LRBA: variants seen among roughly 807,000 people sequenced by gnomAD.
The protein encoded by LRBA is LPS responsive beige-like anchor protein.
Under a neutral mutation model 330.0 loss-of-function variants are expected in LRBA, and 176 were observed. That is an observed-to-expected ratio of 0.53 (90% CI 0.47 to 0.60). The LOEUF (loss-of-function observed/expected upper bound fraction) is 0.60. LRBA is among the 20% of genes least tolerant of loss of function. LRBA has a pLI of 0.00. For missense variants in LRBA, 3,259 were observed against 3,444.8 expected (o/e 0.95, Z 1.35); for synonymous variants, 1,230 against 1,193.0 (o/e 1.03, Z -0.64).
rs1488067407 is a variant in LRBA at position 150,265,800 on chromosome 4, A to G, written c.8481T>C (p.Ser2827=). 4.3e-6 allele frequency: 7 copies of G among 1,610,052 alleles called. No individual in the cohort carries two copies. In the Admixed American group the frequency reaches 8.3e-5, roughly 19 times the overall value. The part of the protein sequence containing the change: ...ALSYDQRCII[S]GMASGSIVLF... ...GCACAATGCTTCCTGAAGCCATGCC[A>G]GAAATGATGCACCTAGGAGAAGCAC... Residue 2827 remains serine, a synonymous_variant, in exon 57 of 57, where the codon TCT becomes TCC. Transcript: ENST00000651943.
chr4:150,437,053 A>G (rs961184450), intron 44 of LRBA, among the ~76,000 whole-genome samples, 189 bp from the exon 45 acceptor site: 1 of 152,172 alleles, frequency 6.6e-6, no homozygotes, highest in Non-Finnish European at 1.5e-5. Context: ...AACACAACAT[A>G]TAAGTAAGTG....
chr4:150,692,843 G>C (rs1243866935), intron 36 of LRBA, among the ~76,000 whole-genome samples: 2 of 152,164 alleles, frequency 1.3e-5, no homozygotes, highest in East Asian at 3.9e-4. Context: ...CACTGAGGCT[G>C]GGAGTGGTAT....
At chr4:150,642,822 T>C (rs982230031) in intron 37 of LRBA, among the ~76,000 whole-genome samples, 2 of 151,896 alleles carry the variant, frequency 1.3e-5, no homozygotes, top group Non-Finnish European at 3.0e-5. Flanking sequence ...GCAAATGTTG[T>C]TTATTATGGT....
chr4:150,528,449 C>T (rs1257620689), intron 40 of LRBA, among the ~76,000 whole-genome samples: 1 of 150,394 alleles, frequency 6.6e-6, no homozygotes, highest in East Asian at 2.0e-4. Context: ...TGCAGTGAGC[C>T]GAGATCACGC....
At chr4:150,343,159 G>A (rs1735817490) in intron 48 of LRBA, among the ~76,000 whole-genome samples, 1 of 152,148 alleles carries the variant, frequency 6.6e-6, no homozygotes, top group Non-Finnish European at 1.5e-5. Context: ...GGGCACTGCA[G>A]GGACATGCTT....
At chr4:150,954,212 C>A (rs2149551137) in intron 2 of LRBA, among the ~76,000 whole-genome samples, 1 of 151,004 alleles carries the variant, frequency 6.6e-6, no homozygotes, top group East Asian at 2.0e-4. Context: ...GCCCGGCCAC[C>A]CCGTCTGGGA....
At chr4:150,759,064 C>T (rs1214213184) in intron 35 of LRBA, among the ~76,000 whole-genome samples, 2 of 151,820 alleles carry the variant, frequency 1.3e-5, no homozygotes, top group East Asian at 3.9e-4. Context: ...CTATAGGCAC[C>T]TGCCACTATA....
chr4:150,732,532 T>C (rs1181424598), intron 36 of LRBA, among the ~76,000 whole-genome samples: 1 of 152,088 alleles, frequency 6.6e-6, no homozygotes, highest in Non-Finnish European at 1.5e-5. Context: ...TTTATCTAAT[T>C]TACATAGGAA....
intron 38 of LRBA, chr4:150,597,124 T>C (rs1773583981): frequency 2.9e-6 from 4 of 1,369,444 alleles, no homozygotes; most frequent in African/African-American, 1.5e-5. Flanking sequence ...CACTAAAACA[T>C]AGATAATTAA....
At chr4:150,604,016 A>G (rs1774376231) in intron 37 of LRBA, among the ~76,000 whole-genome samples, 1 of 152,184 alleles carries the variant, frequency 6.6e-6, no homozygotes, top group Non-Finnish European at 1.5e-5. Context: ...CAGAAGTATT[A>G]AAACAAAATC....
intron 2 of LRBA, among the ~76,000 whole-genome samples, chr4:150,967,127 T>C (rs555122726): frequency 8.5e-5 from 13 of 152,220 alleles, no homozygotes; most frequent in Admixed American, 5.2e-4. Context: ...ATTAAGGACA[T>C]AAAAAAAATT....
At chr4:150,488,545 C>T (rs1758168476) in intron 41 of LRBA, among the ~76,000 whole-genome samples, 1 of 151,360 alleles carries the variant, frequency 6.6e-6, no homozygotes, top group South Asian at 2.1e-4. Context: ...ACATATTTAG[C>T]AATAAATGTT....
chr4:150,582,642 AG>A (rs1325498823), intron 40 of LRBA: 1 of 181,758 alleles, frequency 5.5e-6, no homozygotes, highest in Admixed American at 5.5e-5. Context: ...TCTCGGCTGC[AG>A]ACATCTAAGC....
intron 40 of LRBA, among the ~76,000 whole-genome samples, chr4:150,548,218 A>G (rs1367010487): frequency 6.6e-6 from 1 of 152,082 alleles, no homozygotes; most frequent in South Asian, 2.1e-4. Flanking sequence ...TCTTCCCTCA[A>G]TCAGTTATCC....
At chr4:150,422,550 C>G (rs951270327) in intron 46 of LRBA, 1 of 490,314 alleles carries the variant, frequency 2.0e-6, no homozygotes, top group Non-Finnish European at 3.7e-6. Context: ...CCACACTATC[C>G]TCTGCACCCC....
At chr4:150,422,881 G>C (rs1325490744) in intron 46 of LRBA, 1 of 989,244 alleles carries the variant, frequency 1.0e-6, no homozygotes, top group East Asian at 2.4e-5. Flanking sequence ...TCCTAACATG[G>C]AGGCACTCAG....
chr4:150,297,198 A>C (rs1448726571), intron 53 of LRBA, among the ~76,000 whole-genome samples: 1 of 152,126 alleles, frequency 6.6e-6, no homozygotes, highest in Non-Finnish European at 1.5e-5. Flanking sequence ...TTTTCTCTGC[A>C]ACCAAACAAG....
intron 41 of LRBA, among the ~76,000 whole-genome samples, chr4:150,489,664 TAAGAA>T (rs1561252456): frequency 8.0e-6 from 1 of 124,728 alleles, no homozygotes; most frequent in African/African-American, 3.1e-5. Flanking sequence ...ATATTATATA[TAAGAA>T]TATATATTAT....
At chr4:150,849,129 T>C in intron 25 of LRBA, 131 bp from the exon 26 acceptor site, 1 of 639,998 alleles carries the variant, frequency 1.6e-6, no homozygotes, top group South Asian at 2.4e-5. Context: ...GAGTGATTTA[T>C]ACTTATTATT....
Sources: gnomAD v4.1 joint callset for allele counts (sites outside exome capture counted in the v4.1 genomes callset) on GRCh38, gnomAD v4.1.1 for gene constraint, MANE v1.5 for transcripts, NCBI Gene and HGNC (gene_info 2026-07-23, HGNC 2026-07-21) for gene names.